KLF12: variants seen among roughly 807,000 people sequenced by gnomAD.
KLF12 encodes the protein KLF transcription factor 12, also known as Krueppel-like factor 12.
In KLF12, 9 loss-of-function variants were observed where a neutral mutation model predicts 37.8. The ratio of observed to expected loss-of-function variants is 0.24; its 90% confidence interval spans 0.14 to 0.42. The LOEUF (loss-of-function observed/expected upper bound fraction) is 0.42, where lower values mean the gene tolerates loss of function less well. Ranked by LOEUF, KLF12 falls within the 10% of genes least tolerant of loss-of-function variation. The pLI is 1.00. For synonymous variants in KLF12, 208 were observed against 202.1 expected, an observed-to-expected ratio of 1.03 and a Z score of -0.25; for missense variants, 411 against 516.0, an observed-to-expected ratio of 0.80 and a Z score of 1.97.
rs542230422 is a variant in KLF12 at position 74,082,928 on chromosome 13, T to A, written c.-32+50811A>T. Among the ~76,000 whole-genome samples, 272 of 152,282 alleles carry A rather than the reference T, an allele frequency of 1.8e-3. 2 individuals carry two copies. The highest frequency in any genetic ancestry group is 0.01 in the Middle Eastern group (3 of 294). On this transcript the variant is annotated intron_variant, in intron 1 of 7. Transcript: ENST00000377669. ...GAGGAAAAGAAGAAAATACAAGAAT[T>A]ACTGTTGCTACATTAAGCAAAGCAA...
At chr13:73,926,273 C>A (rs1320679536) in intron 3 of KLF12, among the ~76,000 whole-genome samples, 4 of 152,154 alleles carry the variant, frequency 2.6e-5, no homozygotes, top group Non-Finnish European at 1.5e-5. Context: ...CCACCCCAAC[C>A]TCAGCAACCA....
chr13:74,145,529 G>C, the KLF12 span, among the ~76,000 whole-genome samples: 58 of 152,228 alleles, frequency 3.8e-4, no homozygotes, highest in Non-Finnish European at 2.2e-4. Flanking sequence ...CACACCATGC[G>C]TAACTCTATC....
chr13:73,752,670 T>C (rs1215144310), intron 6 of KLF12, among the ~76,000 whole-genome samples: 6 of 151,976 alleles, frequency 3.9e-5, no homozygotes, highest in African/African-American at 1.5e-4. Flanking sequence ...CTAGCATGTC[T>C]TTCTCCTCAG....
rs191129768 is a variant in KLF12 at position 73,990,834 on chromosome 13, G to A, written c.33+4156C>T. Reference sequence around the variant, plus strand: ...GCAAACTAAAAAATATTCTTTGTAAGAGATGCAAGGTATAAATATGATCTT... The same window carrying A: ...GCAAACTAAAAAATATTCTTTGTAAAAGATGCAAGGTATAAATATGATCTT... On this transcript the variant is annotated intron_variant, in intron 2 of 7. Coordinates refer to ENST00000377669, the MANE Select transcript of KLF12 (RefSeq NM_007249.5). 1.1e-4 allele frequency among the ~76,000 whole-genome samples: 16 copies of A among 152,040 alleles called. No individual in the cohort carries two copies. In the East Asian group the frequency reaches 3.1e-3, roughly 29 times the overall value.
intron 1 of KLF12, among the ~76,000 whole-genome samples, chr13:74,069,691 G>C (rs931463726): frequency 2.0e-5 from 3 of 152,154 alleles, no homozygotes; most frequent in African/African-American, 7.2e-5. Context: ...ACAGGTAACA[G>C]AGGCAGAAAA....
At chr13:73,911,202 C>CT (rs1383485629) in intron 3 of KLF12, among the ~76,000 whole-genome samples, 1 of 151,606 alleles carries the variant, frequency 6.6e-6, no homozygotes, top group Non-Finnish European at 1.5e-5. Flanking sequence ...CACTGGGCCC[C>CT]ATAAATGTAT....
the KLF12 span, among the ~76,000 whole-genome samples, chr13:74,195,027 C>T: frequency 5.9e-5 from 9 of 152,234 alleles, no homozygotes; most frequent in Admixed American, 3.3e-4. Flanking sequence ...GAAAAGGCAT[C>T]GCGGAAAGCA....
intron 2 of KLF12, among the ~76,000 whole-genome samples, chr13:73,963,079 A>G (rs1446131123): frequency 6.6e-6 from 1 of 152,220 alleles, no homozygotes; most frequent in African/African-American, 2.4e-5. Context: ...ATGGGCAAAT[A>G]TATCATTCTG....
chr13:73,741,748 T>G (rs894162397), intron 6 of KLF12, among the ~76,000 whole-genome samples: 58 of 152,354 alleles, frequency 3.8e-4, no homozygotes, highest in African/African-American at 1.4e-3. Context: ...AACAAGTTAC[T>G]GCTCTTATCT....
chr13:73,971,064 G>GT (rs1349572651), intron 2 of KLF12, among the ~76,000 whole-genome samples: 1 of 152,064 alleles, frequency 6.6e-6, no homozygotes, highest in Non-Finnish European at 1.5e-5. Context: ...TTAAAATATT[G>GT]TAAGCACCCA....
intron 2 of KLF12, among the ~76,000 whole-genome samples, chr13:73,963,020 G>T (rs189852478): frequency 6.6e-6 from 1 of 152,204 alleles, no homozygotes; most frequent in South Asian, 2.1e-4. Context: ...TTAGCATTTT[G>T]TCAACACCAA....
At chr13:73,719,862 G>T (rs1876107875) in intron 6 of KLF12, among the ~76,000 whole-genome samples, 1 of 152,074 alleles carries the variant, frequency 6.6e-6, no homozygotes, top group Non-Finnish European at 1.5e-5. Context: ...GTCTCCCAAA[G>T]TGCTGGGATT....
intron 1 of KLF12, among the ~76,000 whole-genome samples, chr13:74,041,319 T>C (rs1417575599): frequency 2.0e-5 from 3 of 152,206 alleles, no homozygotes; most frequent in Non-Finnish European, 4.4e-5. Context: ...TAGGTATTTA[T>C]TATGGAAGTA....
Position 73,845,931 on chromosome 13 carries a change from A to T in KLF12, c.566T>A (p.Val189Glu), listed in dbSNP as rs1290145938. ...GTAGACAACAGGCACCGACTGTACC[A>T]CCACGGGGATGCGGTGAACATGACT... Residue 189 changes from valine to glutamate, a missense_variant, in exon 4 of 8, where the codon GTG (valine) becomes GAG (glutamate). This residue lies in a region of KLF12 where 351 missense variants were observed against 397.8 expected (regional missense o/e 0.88). Transcript: ENST00000377669. The T allele has an allele frequency of 3.7e-6, 6 of 1,614,112 alleles. No homozygotes were observed. The highest frequency in any genetic ancestry group is 5.1e-6 in the Non-Finnish European group (6 of 1,179,974).
chr13:73,971,004 G>C (rs1163205738), intron 2 of KLF12, among the ~76,000 whole-genome samples: 1 of 152,098 alleles, frequency 6.6e-6, no homozygotes, highest in Non-Finnish European at 1.5e-5. Flanking sequence ...TTGAAAAACA[G>C]AAAAGTTGTC....
the KLF12 span, among the ~76,000 whole-genome samples, chr13:74,237,926 T>G: frequency 3.3e-5 from 5 of 151,802 alleles, no homozygotes; most frequent in Non-Finnish European, 7.4e-5. Flanking sequence ...TTGAATACCC[T>G]TTATTTCCTT....
chr13:74,305,331 T>C, the KLF12 span, among the ~76,000 whole-genome samples: 1 of 152,094 alleles, frequency 6.6e-6, no homozygotes, highest in Non-Finnish European at 1.5e-5. Flanking sequence ...TAGGAAAACA[T>C]CTGTACAGCC....
At chr13:73,996,808 T>C (rs991081127) in intron 1 of KLF12, among the ~76,000 whole-genome samples, 1 of 152,066 alleles carries the variant, frequency 6.6e-6, no homozygotes, top group African/African-American at 2.4e-5. Flanking sequence ...CACCGCAAAC[T>C]ACAACCACCA....
chr13:73,883,907 T>G (rs1043351976), intron 3 of KLF12, among the ~76,000 whole-genome samples: 4 of 152,208 alleles, frequency 2.6e-5, no homozygotes, highest in African/African-American at 9.6e-5. Flanking sequence ...TGCCATGAAC[T>G]CTGATAAAAT....
Sources: gnomAD v4.1 joint callset for allele counts (sites outside exome capture counted in the v4.1 genomes callset) on GRCh38, gnomAD v4.1.1 for gene constraint, gnomAD v4.1.1 regional missense constraint, MANE v1.5 for transcripts, NCBI Gene and HGNC (gene_info 2026-07-23, HGNC 2026-07-21) for gene names.